GPC3: variants seen among roughly 807,000 people sequenced by gnomAD.
GPC3 encodes the protein glypican-3.
Under a neutral mutation model 34.4 loss-of-function variants are expected in GPC3, and 3 were observed. The ratio of observed to expected loss-of-function variants is 0.09; its 90% CI spans 0.04 to 0.23. The LOEUF (loss-of-function observed/expected upper bound fraction) is 0.23. GPC3 is among the 10% of genes least tolerant of loss of function. The pLI, the probability that GPC3 is intolerant of heterozygous loss-of-function variation, is 1.00. For missense variants in GPC3, 351 were observed against 445.6 expected, an observed-to-expected ratio of 0.79 and a Z score of 1.91; for synonymous variants, 177 against 174.0, an observed-to-expected ratio of 1.02 and a Z score of -0.13.
chrX:133,708,045 C>T (rs1490308370), intron 3 of GPC3, among the ~76,000 whole-genome samples: 1 of 111,197 alleles, frequency 9.0e-6, no homozygotes, highest in African/African-American at 3.3e-5. Flanking sequence ...TGGATAGATT[C>T]GGTATTTATG....
intron 7 of GPC3, among the ~76,000 whole-genome samples, chrX:133,569,127 C>T (rs1283321081): frequency 9.0e-6 from 1 of 111,591 alleles, no homozygotes; most frequent in East Asian, 2.8e-4. Flanking sequence ...ATGATCACGC[C>T]ACTGCACGCC....
chrX:133,743,942 G>A (rs763490039), intron 3 of GPC3, among the ~76,000 whole-genome samples: 3 of 111,641 alleles, frequency 2.7e-5, no homozygotes, highest in South Asian at 3.8e-4. Flanking sequence ...AATGGTGTTC[G>A]GAAAACTGGC....
intron 3 of GPC3, among the ~76,000 whole-genome samples, chrX:133,737,932 CT>C (rs1175415498): frequency 6.3e-5 from 7 of 111,272 alleles, no homozygotes. Flanking sequence ...AGACATATGT[CT>C]GGAAAAAAAA....
chrX:133,706,710 C>T (rs2071222463), intron 3 of GPC3, among the ~76,000 whole-genome samples: 1 of 111,866 alleles, frequency 8.9e-6, no homozygotes, highest in South Asian at 3.7e-4. Flanking sequence ...ACAACAGATG[C>T]TGGTGAGGAT....
At chrX:133,567,966 C>T (rs2069596349) in intron 7 of GPC3, among the ~76,000 whole-genome samples, 1 of 112,136 alleles carries the variant, frequency 8.9e-6, no homozygotes, top group Admixed American at 9.5e-5. Context: ...GATAAACAAA[C>T]AAACTACCAA....
chrX:133,910,254 A>G (rs1200486757), intron 2 of GPC3, among the ~76,000 whole-genome samples: 1 of 111,172 alleles, frequency 9.0e-6, no homozygotes, highest in Non-Finnish European at 1.9e-5. Context: ...TGGTAATAAA[A>G]AATTAAAAAA....
chrX:133,954,228 T>C (rs1410499385), intron 1 of GPC3, among the ~76,000 whole-genome samples: 1 of 111,758 alleles, frequency 8.9e-6, no homozygotes, highest in East Asian at 2.8e-4. Flanking sequence ...TGGGGAGTGA[T>C]GGATATGTTC....
intron 7 of GPC3, among the ~76,000 whole-genome samples, chrX:133,548,677 G>T (rs1282043079): frequency 9.0e-6 from 1 of 111,475 alleles, no homozygotes; most frequent in Non-Finnish European, 1.9e-5. Flanking sequence ...ATATAGTTTG[G>T]CTGTGTCCCT....
intron 5 of GPC3, among the ~76,000 whole-genome samples, chrX:133,662,193 G>T (rs2070734709): frequency 9.0e-6 from 1 of 111,392 alleles, no homozygotes; most frequent in African/African-American, 3.3e-5. Context: ...TGCTAGGGGA[G>T]GTTCAAGGTC....
chrX:133,590,423 T>C (rs2069836128), intron 7 of GPC3, among the ~76,000 whole-genome samples: 2 of 111,393 alleles, frequency 1.8e-5, no homozygotes, highest in South Asian at 3.8e-4. Flanking sequence ...CATCATGTAA[T>C]GGTCATCCCA....
chrX:133,776,572 A>T (rs891729209), intron 2 of GPC3, among the ~76,000 whole-genome samples: 1 of 111,934 alleles, frequency 8.9e-6, no homozygotes, highest in Admixed American at 9.5e-5. Context: ...ATTGTTTATT[A>T]TTCATTGTTA....
intron 3 of GPC3, among the ~76,000 whole-genome samples, chrX:133,752,651 A>G (rs2071677525): frequency 8.9e-6 from 1 of 111,909 alleles, no homozygotes; most frequent in South Asian, 3.8e-4. Context: ...CGTTACTAAC[A>G]ATATCTGACT....
At chrX:133,791,726 C>T (rs2072161545) in intron 2 of GPC3, among the ~76,000 whole-genome samples, 1 of 109,715 alleles carries the variant, frequency 9.1e-6, no homozygotes, top group African/African-American at 3.3e-5. Flanking sequence ...TTATCCTCAC[C>T]ACCCTATCTA....
intron 3 of GPC3, among the ~76,000 whole-genome samples, chrX:133,703,696 G>A (rs1162567539): frequency 8.9e-6 from 1 of 111,748 alleles, no homozygotes; most frequent in Non-Finnish European, 1.9e-5. Flanking sequence ...TCCTGACCTC[G>A]TGATCCACCC....
intron 2 of GPC3, among the ~76,000 whole-genome samples, chrX:133,881,290 G>A (rs770711380): frequency 1.6e-4 from 18 of 111,625 alleles, no homozygotes; most frequent in Non-Finnish European, 3.4e-4. Flanking sequence ...CTGGAAGACC[G>A]ATTTCCAGAG....
intron 2 of GPC3, among the ~76,000 whole-genome samples, chrX:133,901,781 G>C (rs1055251634): frequency 3.4e-4 from 38 of 112,091 alleles, no homozygotes; most frequent in Non-Finnish European, 5.8e-4. Flanking sequence ...CCTGAAGAGG[G>C]GGGAAAAGGT....
intron 2 of GPC3, among the ~76,000 whole-genome samples, chrX:133,760,048 TATGTTATTAGGGAACTG>T (rs2071771737): frequency 8.9e-6 from 1 of 112,008 alleles, no homozygotes; most frequent in Admixed American, 9.5e-5. Context: ...TTCAATATCA[TATGTTATTAGGGAACTG>T]CAAATTAAAA....
chrX:133,962,247 T>C (rs1381929776), intron 1 of GPC3, among the ~76,000 whole-genome samples: 1 of 112,149 alleles, frequency 8.9e-6, no homozygotes, highest in African/African-American at 3.2e-5. Flanking sequence ...TCTCCAGTCT[T>C]TATAAAGACA....
intron 2 of GPC3, among the ~76,000 whole-genome samples, chrX:133,825,530 G>C (rs1272348772): frequency 1.8e-5 from 2 of 111,989 alleles, no homozygotes; most frequent in Non-Finnish European, 3.8e-5. Flanking sequence ...GAGGAGGGAG[G>C]GTTGGGAATT....
Sources: allele counts gnomAD v4.1 joint callset (sites outside exome capture counted in the v4.1 genomes callset), GRCh38; gene constraint gnomAD v4.1.1; transcripts MANE v1.5; gene names NCBI Gene and HGNC (gene_info 2026-07-23, HGNC 2026-07-21).